The following POLR3H variants were observed in gnomAD, a reference collection of about 807,000 sequenced individuals.
POLR3H encodes the protein DNA-directed RNA polymerase III subunit RPC8.
POLR3H carries 17 observed loss-of-function variants against 25.5 expected under a neutral mutation model. The ratio of observed to expected loss-of-function variants is 0.67; its 90% CI spans 0.46 to 1.00. The LOEUF (loss-of-function observed/expected upper bound fraction) is 1.00, where lower values mean the gene tolerates loss of function less well. Ranked by LOEUF, POLR3H falls within the 50% of genes least tolerant of loss-of-function variation. POLR3H has a pLI of 0.00. For synonymous variants in POLR3H, 129 were observed against 103.0 expected (o/e 1.25, Z -1.53); for missense variants, 274 against 265.0 (o/e 1.03, Z -0.24).
chr22:41,540,322 G>A (rs1243146760), intron 2 of POLR3H: 6 of 357,402 alleles, frequency 1.7e-5, no homozygotes, highest in Middle Eastern at 1.0e-3. Context: ...AAGAGGCCTT[G>A]AAAACCAACT....
rs1315947127 is a variant in POLR3H, at chr22:41,530,434, T to C, written c.561+253A>G. ...CAAAGCCGCTTTATCAGTGGTCTTGTCCACCGTGAGCTCTGTCCCCTTTGC... is the reference window on the plus strand; with the variant it reads ...CAAAGCCGCTTTATCAGTGGTCTTGCCCACCGTGAGCTCTGTCCCCTTTGC... On this transcript the variant is annotated intron_variant, in intron 5 of 5. Transcript: ENST00000355209. 4.6e-5 allele frequency among the ~76,000 whole-genome samples: 7 copies of C among 152,322 alleles called. No homozygotes were observed. In the South Asian group the frequency reaches 1.5e-3, roughly 32 times the overall value.
At chr22:41,542,813 G>A (rs541497735) in intron 1 of POLR3H, among the ~76,000 whole-genome samples, 14 of 152,158 alleles carry the variant, frequency 9.2e-5, no homozygotes, top group Non-Finnish European at 1.8e-4. Context: ...GACCAGCCTG[G>A]CCAACATGGT....
chr22:41,536,566 G>A (rs943696037), intron 2 of POLR3H, among the ~76,000 whole-genome samples: 1 of 148,776 alleles, frequency 6.7e-6, no homozygotes, highest in Non-Finnish European at 1.5e-5. Context: ...GTCAAAAAAG[G>A]TTTAAAAAAA....
At chr22:41,543,010 C>T (rs1450460994) in intron 1 of POLR3H, among the ~76,000 whole-genome samples, 1 of 151,938 alleles carries the variant, frequency 6.6e-6, no homozygotes, top group Non-Finnish European at 1.5e-5. Flanking sequence ...GTCTCACACA[C>T]ACAAACACAA....
intron 4 of POLR3H, 119 bp downstream of exon 4, chr22:41,531,975 A>G: frequency 3.6e-6 from 3 of 831,342 alleles, no homozygotes; most frequent in South Asian, 3.0e-5. Context: ...GGCGAGGGGC[A>G]GGCACAGAGG....
chr22:41,527,073 C>A lies in POLR3H; in HGVS notation c.*2210G>T. On this transcript the variant is annotated 3_prime_UTR_variant, in exon 6 of 6. Transcript: ENST00000355209. ...CTGTCTTCTTTGCCACTGCAAACAA[C>A]CACGTGCCTCTGTCCCCTCGGGGCC... The A allele has an allele frequency of 3.1e-6, 2 of 649,888 alleles. No homozygotes were observed. Among genetic ancestry groups the A allele is most frequent in the Non-Finnish European group, 2.6e-6 (1 of 384,554 alleles). The allele number at this position is 649,888 out of a possible 1,614,324, so 40.3% of individuals were successfully genotyped here.
Position 41,544,026 on chromosome 22 carries a change from T to C in POLR3H, c.76A>G (p.Ile26Val), listed in dbSNP as rs2066976745. The change falls in exon 1 of 6, where the codon ATT becomes GTT. Residue 26 changes from isoleucine (I) to valine (V), a missense_variant. Coordinates refer to ENST00000355209, the MANE Select transcript of POLR3H (RefSeq NM_001018050.4). ...AACTTCTTGTTCAGCTCCTCGGCAA[T>C]GGAGTCGTTGAGCTTCCTCTCAAAC... The part of the protein sequence containing the change: ...WQFERKLNDS[I>V]AEELNKKLAN... The C allele has an allele frequency of 1.2e-6, 2 of 1,613,736 alleles. No homozygotes were observed. Among genetic ancestry groups the C allele is most frequent in the South Asian group, 1.1e-5 (1 of 91,080 alleles).
chr22:41,526,383 A>G lies in POLR3H; in HGVS notation c.*2900T>C, dbSNP rs770732316. The G allele has an allele frequency of 1.2e-6, 2 of 1,613,896 alleles. No individual in the cohort carries two copies. Among genetic ancestry groups the G allele is most frequent in the Non-Finnish European group, 1.7e-6 (2 of 1,180,026 alleles). On this transcript the variant is annotated 3_prime_UTR_variant, in exon 6 of 6. Coordinates refer to ENST00000355209, the MANE Select transcript of POLR3H (RefSeq NM_001018050.4). ...GGTGCCATCAACATTGAAAACGGCAAGGCCAACTCCGTGCGCAATGCCGTC... is the reference window on the plus strand; with the variant it reads ...GGTGCCATCAACATTGAAAACGGCAGGGCCAACTCCGTGCGCAATGCCGTC...
At position 41,531,972 on chromosome 22, in the gene POLR3H, G is replaced by T. The variant is rs542482160; in HGVS notation, c.359+122C>A. 45 of 815,338 alleles carry T rather than the reference G, an allele frequency of 5.5e-5. No homozygotes were observed. In the African/African-American group the frequency reaches 7.0e-4, roughly 13 times the overall value. The allele number at this position is 815,338 out of a possible 1,614,324, so 50.5% of individuals were successfully genotyped here. A position where few individuals can be genotyped will look rare whatever the true frequency, so the allele number is the denominator to read the frequency against. On this transcript the variant is annotated intron_variant, in intron 4 of 5. Transcript: ENST00000355209. ...CTCTGGAGCAAAAGCACAGGCGAGG[G>T]GCAGGCACAGAGGCCAGTGACATCA...
At chr22:41,543,525 G>A (rs1038471340) in intron 1 of POLR3H, among the ~76,000 whole-genome samples, 1 of 152,148 alleles carries the variant, frequency 6.6e-6, no homozygotes, top group Non-Finnish European at 1.5e-5. Context: ...GGAGGCTGGG[G>A]CAGGAGAATC....
intron 1 of POLR3H, among the ~76,000 whole-genome samples, chr22:41,542,138 C>G (rs904535557): frequency 1.8e-4 from 27 of 151,948 alleles, no homozygotes; most frequent in Non-Finnish European, 3.7e-4. Flanking sequence ...GGCTGGAAGG[C>G]AGTGGTGCGA....
At position 41,527,389 on chromosome 22, in the gene POLR3H, C is replaced by G. The variant is rs770962680; in HGVS notation, c.*1894G>C. On this transcript the variant is annotated 3_prime_UTR_variant, in exon 6 of 6. Coordinates refer to ENST00000355209, the MANE Select transcript of POLR3H (RefSeq NM_001018050.4). ...AGCCTCGCCACCTTGGGGGCCGGGCCATCATCACCAAGAGCTTTGCCAGGA... is the reference window on the plus strand; with the variant it reads ...AGCCTCGCCACCTTGGGGGCCGGGCGATCATCACCAAGAGCTTTGCCAGGA... The G allele has an allele frequency of 1.9e-6, 3 of 1,613,390 alleles. No homozygotes were observed. The highest frequency in any genetic ancestry group is 2.7e-5 in the African/African-American group (2 of 75,040).
intron 2 of POLR3H, among the ~76,000 whole-genome samples, chr22:41,536,185 G>A (rs538353342): frequency 1.2e-3 from 184 of 151,774 alleles, no homozygotes; most frequent in African/African-American, 4.2e-3. Flanking sequence ...GAGGTCAGGA[G>A]ATCGAGACCA....
At chr22:41,537,755 G>A (rs1411130180) in intron 2 of POLR3H, among the ~76,000 whole-genome samples, 2 of 152,106 alleles carry the variant, frequency 1.3e-5, no homozygotes, top group African/African-American at 4.8e-5. Context: ...GATGAGGGTG[G>A]GGGCTAATAA....
In POLR3H at chr22:41,527,491, G is replaced by A. The variant is rs1204379476; in HGVS notation, c.*1792C>T. The stretch of plus-strand genomic sequence containing the variant: ...GATCAAGGTCACTCTCCCTGCCCGT[G>A]GCTGAGTTGGGCCTGGTTCTAGGCT... On this transcript the variant is annotated 3_prime_UTR_variant, in exon 6 of 6. Transcript: ENST00000355209. 1.9e-6 allele frequency: 3 copies of A among 1,539,726 alleles called. No homozygotes were observed. Among genetic ancestry groups the A allele is most frequent in the Non-Finnish European group, 2.6e-6 (3 of 1,145,874 alleles).
intron 5 of POLR3H, 181 bp from the exon 6 acceptor site, chr22:41,529,517 C>T (rs932561443): frequency 3.0e-6 from 2 of 656,014 alleles, no homozygotes. Flanking sequence ...ACGCAGCACG[C>T]AGGGCGCAGA....
At chr22:41,543,827 T>C (rs769412476) in intron 1 of POLR3H, 164 bp downstream of exon 1, 1 of 710,962 alleles carries the variant, frequency 1.4e-6, no homozygotes, top group Non-Finnish European at 2.6e-6. Context: ...GCCCATTTTC[T>C]TTTGATCCCC....
At chr22:41,532,035 C>A in intron 4 of POLR3H, 59 bp downstream of exon 4, 1 of 1,509,196 alleles carries the variant, frequency 6.6e-7, no homozygotes, top group Non-Finnish European at 9.2e-7. Context: ...GGAGTGGGGA[C>A]CTTCCTTTGG....
In POLR3H at chr22:41,527,402, A is replaced by G; in HGVS notation, c.*1881T>C. On this transcript the variant is annotated 3_prime_UTR_variant, in exon 6 of 6. Coordinates refer to ENST00000355209, the MANE Select transcript of POLR3H (RefSeq NM_001018050.4). ...TGGGGGCCGGGCCATCATCACCAAG[A>G]GCTTTGCCAGGATCCACGGTGAGCT... is the stretch of plus-strand genomic sequence containing the variant. 6.2e-7 allele frequency: 1 copy of G among 1,612,398 alleles called. No individual in the cohort carries two copies. Among genetic ancestry groups the G allele is most frequent in the Non-Finnish European group, 8.5e-7 (1 of 1,179,510 alleles).
Sources: gnomAD v4.1 joint callset for allele counts (sites outside exome capture counted in the v4.1 genomes callset) on GRCh38, gnomAD v4.1.1 for gene constraint, MANE v1.5 for transcripts, NCBI Gene and HGNC (gene_info 2026-07-23, HGNC 2026-07-21) for gene names.